Variants in SLC9A9 observed in about 807,000 individuals in gnomAD.
SLC9A9 encodes sodium/hydrogen exchanger 9.
Under a neutral mutation model 77.8 loss-of-function variants are expected in SLC9A9, and 62 were observed. The ratio of observed to expected loss-of-function variants is 0.80; its 90% CI spans 0.65 to 0.98. SLC9A9 has a LOEUF of 0.98. SLC9A9 is among the 50% of genes least tolerant of loss of function. The probability of loss-of-function intolerance (pLI) is 0.00; values close to 1 mark genes in which losing one functional copy is unlikely to be tolerated. For missense variants in SLC9A9, 775 were observed against 774.9 expected (o/e 1.00, Z 0.00); for synonymous variants, 320 against 283.5 (o/e 1.13, Z -1.29).
At chr3:143,591,377 T>G (rs2037641503) in intron 6 of SLC9A9, among the ~76,000 whole-genome samples, 1 of 152,246 alleles carries the variant, frequency 6.6e-6, no homozygotes, top group South Asian at 2.1e-4. Context: ...CAGTGTCATG[T>G]GTGAAGCATG....
chr3:143,297,039 G>A (rs563309240), intron 14 of SLC9A9, among the ~76,000 whole-genome samples: 2 of 152,198 alleles, frequency 1.3e-5, no homozygotes, highest in South Asian at 4.2e-4. Context: ...AGTCCCACTT[G>A]CCTATTTTTA....
chr3:143,763,448 T>C (rs1213371108), intron 4 of SLC9A9, among the ~76,000 whole-genome samples: 2 of 152,180 alleles, frequency 1.3e-5, no homozygotes, highest in Non-Finnish European at 2.9e-5. Context: ...GTTCAAATAA[T>C]TGATGTGTTA....
intron 9 of SLC9A9, among the ~76,000 whole-genome samples, chr3:143,498,032 TA>T (rs1157414092): frequency 6.6e-6 from 1 of 152,222 alleles, no homozygotes; most frequent in Non-Finnish European, 1.5e-5. Context: ...CCCATAATTT[TA>T]AGTATTTGTT....
chr3:143,466,963 AG>A (rs1385611454), intron 12 of SLC9A9, 73 bp downstream of exon 12: 2 of 1,551,954 alleles, frequency 1.3e-6, no homozygotes, highest in Non-Finnish European at 1.8e-6. Context: ...CTATTGACTA[AG>A]TCAGCAATAC....
intron 4 of SLC9A9, among the ~76,000 whole-genome samples, chr3:143,746,566 T>C (rs577918378): frequency 6.6e-6 from 1 of 152,302 alleles, no homozygotes; most frequent in South Asian, 2.1e-4. Context: ...TCAATCAATG[T>C]GTTTTAGAGT....
chr3:143,798,373 G>A (rs1350381147), intron 2 of SLC9A9, among the ~76,000 whole-genome samples: 1 of 152,128 alleles, frequency 6.6e-6, no homozygotes, highest in Non-Finnish European at 1.5e-5. Context: ...AGGGACACCT[G>A]CCTTGGTCAT....
chr3:143,517,343 C>A, intron 9 of SLC9A9: 1 of 1,273,486 alleles, frequency 7.9e-7, no homozygotes, highest in Non-Finnish European at 1.1e-6. Flanking sequence ...TCCAGGCATT[C>A]CTCCAGGAAA....
chr3:143,325,089 A>AC (rs1028898373), intron 14 of SLC9A9, among the ~76,000 whole-genome samples: 1 of 151,906 alleles, frequency 6.6e-6, no homozygotes, highest in African/African-American at 2.4e-5. Flanking sequence ...AAAAAAAAAA[A>AC]AAAAAACCTT....
chr3:143,488,205 G>T (rs1373056905), intron 11 of SLC9A9, among the ~76,000 whole-genome samples: 1 of 151,816 alleles, frequency 6.6e-6, no homozygotes, highest in African/African-American at 2.4e-5. Context: ...AAAGCATGAA[G>T]AAATGAAAAA....
intron 6 of SLC9A9, among the ~76,000 whole-genome samples, chr3:143,614,021 A>C (rs1284070936): frequency 6.6e-6 from 1 of 152,156 alleles, no homozygotes; most frequent in Non-Finnish European, 1.5e-5. Context: ...TCTTCTATTC[A>C]AATGTTATAA....
intron 2 of SLC9A9, among the ~76,000 whole-genome samples, chr3:143,823,668 A>G (rs768777723): frequency 6.6e-6 from 1 of 151,944 alleles, no homozygotes; most frequent in African/African-American, 2.4e-5. Context: ...TAAAAAAATT[A>G]AAAAATAAAT....
At chr3:143,431,399 G>T (rs998495491) in intron 12 of SLC9A9, among the ~76,000 whole-genome samples, 11 of 151,816 alleles carry the variant, frequency 7.2e-5, no homozygotes, top group African/African-American at 2.7e-4. Context: ...AGAATACAGT[G>T]TATTCTCAAG....
At position 143,619,330 on chromosome 3, in the gene SLC9A9, T is replaced by C. The variant is rs144889452; in HGVS notation, c.755+32925A>G. On this transcript the variant is annotated intron_variant, in intron 6 of 15. Transcript: ENST00000316549. ...GTAATTTTGTTTGTGTAAGGGAGAA[T>C]AAAGAAAGAAAAAGCATTTCCAAAC... 1.0e-3 allele frequency among the ~76,000 whole-genome samples: 153 copies of C among 152,082 alleles called. 1 individual carries two copies. The highest frequency in any genetic ancestry group is 3.6e-3 in the African/African-American group (150 of 41,488).
chr3:143,414,488 CTG>C (rs754439705), intron 12 of SLC9A9, among the ~76,000 whole-genome samples: 6 of 152,186 alleles, frequency 3.9e-5, no homozygotes, highest in Non-Finnish European at 8.8e-5. Flanking sequence ...TTTCAGGTCT[CTG>C]TATTACACTT....
chr3:143,301,297 C>A (rs2030504630), intron 14 of SLC9A9, among the ~76,000 whole-genome samples: 1 of 152,250 alleles, frequency 6.6e-6, no homozygotes, highest in Non-Finnish European at 1.5e-5. Context: ...CTATAGTCTT[C>A]TATCTCTCTC....
intron 2 of SLC9A9, among the ~76,000 whole-genome samples, chr3:143,815,501 C>T (rs899295197): frequency 6.6e-6 from 1 of 151,972 alleles, no homozygotes; most frequent in Non-Finnish European, 1.5e-5. Context: ...CTGTGAAGCC[C>T]CTTTTTTGTT....
At chr3:143,341,110 G>A (rs1501629) in intron 14 of SLC9A9, among the ~76,000 whole-genome samples, 81,116 of 152,044 alleles carry the variant, frequency 0.53, 23,255 homozygotes, top group African/African-American at 0.74. Flanking sequence ...TGGCACTTAT[G>A]TGGAATATGA....
chr3:143,466,397 C>A (rs1393858650), intron 12 of SLC9A9, among the ~76,000 whole-genome samples: 1 of 152,196 alleles, frequency 6.6e-6, no homozygotes, highest in African/African-American at 2.4e-5. Context: ...CAATTGACAC[C>A]AGCTACCCGT....
At chr3:143,638,000 G>A (rs552428184) in intron 6 of SLC9A9, among the ~76,000 whole-genome samples, 1 of 152,248 alleles carries the variant, frequency 6.6e-6, no homozygotes, top group South Asian at 2.1e-4. Context: ...TATAAGTTAT[G>A]CTAATGAAAA....
Sources: gnomAD v4.1 joint callset for allele counts (sites outside exome capture counted in the v4.1 genomes callset) on GRCh38, gnomAD v4.1.1 for gene constraint, MANE v1.5 for transcripts, NCBI Gene and HGNC (gene_info 2026-07-23, HGNC 2026-07-21) for gene names.